The following GRM7 variants were observed in gnomAD, a reference collection of about 807,000 sequenced individuals.
GRM7 encodes the protein glutamate metabotropic receptor 7.
Under a neutral mutation model 84.5 loss-of-function variants are expected in GRM7, and 35 were observed. The ratio of observed to expected loss-of-function variants is 0.41; its 90% confidence interval spans 0.32 to 0.55. The LOEUF is 0.55. Among genes scored for constraint, GRM7 ranks in the 20% least tolerant of loss-of-function variants. GRM7 has a pLI of 0.19. For missense variants in GRM7, 1,003 were observed against 1,194.6 expected, an observed-to-expected ratio of 0.84 and a Z score of 2.36; for synonymous variants, 487 against 455.1, an observed-to-expected ratio of 1.07 and a Z score of -0.89.
intron 1 of GRM7, among the ~76,000 whole-genome samples, chr3:6,898,145 C>T (rs185977312): frequency 1.1e-4 from 16 of 152,200 alleles, no homozygotes; most frequent in South Asian, 8.3e-4. Context: ...AGAAAGAATT[C>T]GAAAGGGCTG....
At chr3:7,332,616 A>G (rs1376219713) in intron 4 of GRM7, among the ~76,000 whole-genome samples, 1 of 152,160 alleles carries the variant, frequency 6.6e-6, no homozygotes, top group South Asian at 2.1e-4. Context: ...GGTGGATAAG[A>G]GATAGGAGTA....
Position 7,062,119 on chromosome 3 carries a change from A to C in GRM7, c.520-84333A>C, listed in dbSNP as rs531490003. On this transcript the variant is annotated intron_variant, in intron 1 of 9. Transcript: ENST00000357716. ...CCACTCCGCTAGAAACTGTTAAAAAAATTTCAAGAAAAGAAAAATAAAAGG... is the reference window on the plus strand; with the variant it reads ...CCACTCCGCTAGAAACTGTTAAAAACATTTCAAGAAAAGAAAAATAAAAGG... 2.0e-4 allele frequency among the ~76,000 whole-genome samples: 30 copies of C among 151,836 alleles called. No individual in the cohort carries two copies. In the South Asian group the frequency reaches 2.3e-3, roughly 12 times the overall value.
chr3:7,410,448 C>T (rs1695877055), intron 4 of GRM7, among the ~76,000 whole-genome samples: 1 of 152,066 alleles, frequency 6.6e-6, no homozygotes, highest in Non-Finnish European at 1.5e-5. Flanking sequence ...TGGTGCCCAC[C>T]TGTGGTCCCA....
At chr3:6,925,508 T>C (rs1019511747) in intron 1 of GRM7, among the ~76,000 whole-genome samples, 17 of 152,154 alleles carry the variant, frequency 1.1e-4, no homozygotes, top group African/African-American at 4.1e-4. Flanking sequence ...CTTTATACCA[T>C]ACTTAAGAAG....
chr3:7,601,981 G>A (rs142844256), intron 8 of GRM7, among the ~76,000 whole-genome samples: 105 of 151,036 alleles, frequency 7.0e-4, no homozygotes, highest in Middle Eastern at 3.4e-3. Flanking sequence ...TAAGCCATGC[G>A]GAAAAGAAGG....
At chr3:7,011,997 T>C (rs188277284) in intron 1 of GRM7, among the ~76,000 whole-genome samples, 2 of 152,156 alleles carry the variant, frequency 1.3e-5, no homozygotes, top group East Asian at 2.0e-4. Flanking sequence ...AGCTTTAGAA[T>C]TGACCTCAGA....
intron 1 of GRM7, among the ~76,000 whole-genome samples, chr3:7,100,988 A>G (rs1359984260): frequency 1.3e-5 from 2 of 150,514 alleles, no homozygotes; most frequent in Admixed American, 6.7e-5. Flanking sequence ...AAGATTTTTT[A>G]TCCATTCTCC....
At chr3:7,162,777 T>TTTTTTTTG (rs1694673054) in intron 2 of GRM7, among the ~76,000 whole-genome samples, 2 of 103,256 alleles carry the variant, frequency 1.9e-5, no homozygotes, top group Non-Finnish European at 3.8e-5. Context: ...TTTTTTTTTT[T>TTTTTTTTG]GAGATGGAGT....
chr3:7,420,030 GT>G (rs1342836567), intron 5 of GRM7, among the ~76,000 whole-genome samples: 1 of 152,126 alleles, frequency 6.6e-6, no homozygotes, highest in Non-Finnish European at 1.5e-5. Flanking sequence ...CTTAAGCTGT[GT>G]TTTTCTTTAC....
intron 2 of GRM7, among the ~76,000 whole-genome samples, chr3:7,272,731 CTT>C (rs1698911671): frequency 6.6e-6 from 1 of 151,490 alleles, no homozygotes; most frequent in Admixed American, 6.6e-5. Flanking sequence ...AATTTCTGTT[CTT>C]TGTCTTTTTT....
chr3:6,873,843 T>C lies in GRM7; in HGVS notation c.519+11936T>C, dbSNP rs114030062. Among the ~76,000 whole-genome samples, 1,195 of 152,284 alleles carry C rather than the reference T, an allele frequency of 7.8e-3. 14 individuals are homozygous for C. Among genetic ancestry groups the C allele is most frequent in the African/African-American group, 0.027 (1,140 of 41,556 alleles). On this transcript the variant is annotated intron_variant, in intron 1 of 9. Transcript: ENST00000357716. ...CATTTATTGTTGCCCATTGAAACAA[T>C]CCCTGGTTGAAGAAGGGAAGTTGGA...
At chr3:7,198,917 A>C (rs1695972962) in intron 2 of GRM7, among the ~76,000 whole-genome samples, 1 of 152,224 alleles carries the variant, frequency 6.6e-6, no homozygotes, top group South Asian at 2.1e-4. Context: ...GAAATCAGAA[A>C]GACAGAAAAA....
At chr3:7,478,126 A>C (rs752299) in intron 7 of GRM7, among the ~76,000 whole-genome samples, 49,603 of 151,888 alleles carry the variant, frequency 0.33, 8,335 homozygotes, top group African/African-American at 0.39. Flanking sequence ...GGTGATTATG[A>C]CTTCCTTATA....
At chr3:7,250,136 C>A (rs1039642969) in intron 2 of GRM7, among the ~76,000 whole-genome samples, 1 of 152,008 alleles carries the variant, frequency 6.6e-6, no homozygotes, top group African/African-American at 2.4e-5. Context: ...TGGATATTGG[C>A]AGAACAACAT....
At chr3:7,548,198 G>C (rs115874538) in intron 7 of GRM7, among the ~76,000 whole-genome samples, 1,526 of 152,302 alleles carry the variant, frequency 0.01, 13 homozygotes, top group Middle Eastern at 0.02. Flanking sequence ...GAATGTCTTC[G>C]TGCCATCCTC....
intron 2 of GRM7, among the ~76,000 whole-genome samples, chr3:7,193,319 A>T (rs1575015134): frequency 1.3e-5 from 2 of 152,160 alleles, no homozygotes; most frequent in Admixed American, 6.6e-5. Flanking sequence ...AGAGACATCC[A>T]TATAGTTGCT....
At chr3:7,647,182 A>C (rs146903270) in intron 8 of GRM7, among the ~76,000 whole-genome samples, 3 of 152,322 alleles carry the variant, frequency 2.0e-5, no homozygotes, top group East Asian at 3.9e-4. Context: ...ATTAGCCTGG[A>C]AAACCTCTTT....
At chr3:7,380,399 G>C (rs1694541007) in intron 4 of GRM7, among the ~76,000 whole-genome samples, 1 of 152,104 alleles carries the variant, frequency 6.6e-6, no homozygotes, top group African/African-American at 2.4e-5. Context: ...AAGATATTTT[G>C]TGACACCAAT....
intron 2 of GRM7, among the ~76,000 whole-genome samples, chr3:7,245,910 C>G (rs187096871): frequency 6.6e-6 from 1 of 151,836 alleles, no homozygotes; most frequent in East Asian, 1.9e-4. Flanking sequence ...GAAATAGCAT[C>G]AAATTAATAA....
Sources: gnomAD v4.1 joint callset for allele counts (sites outside exome capture counted in the v4.1 genomes callset) on GRCh38, gnomAD v4.1.1 for gene constraint, MANE v1.5 for transcripts, NCBI Gene and HGNC (gene_info 2026-07-23, HGNC 2026-07-21) for gene names.